Variants in GRID2 observed in about 807,000 individuals in gnomAD.
GRID2 encodes glutamate receptor ionotropic, delta-2.
A neutral mutation model predicts 114.8 loss-of-function variants in GRID2; 33 were observed. That is an observed-to-expected ratio of 0.29 (90% confidence interval 0.22 to 0.38). The LOEUF (loss-of-function observed/expected upper bound fraction) is 0.38. GRID2 is among the 10% of genes least tolerant of loss of function. GRID2 has a pLI of 1.00. For missense variants in GRID2, 1,184 were observed against 1,257.7 expected, an observed-to-expected ratio of 0.94 and a Z score of 0.89; for synonymous variants, 505 against 449.9, an observed-to-expected ratio of 1.12 and a Z score of -1.55.
At chr4:92,964,597 T>C (rs1393641303) in intron 2 of GRID2, among the ~76,000 whole-genome samples, 1 of 152,018 alleles carries the variant, frequency 6.6e-6, no homozygotes, top group African/African-American at 2.4e-5. Flanking sequence ...GTCAATGCTT[T>C]CAGCTAGATC....
chr4:92,588,798 T>C (rs1289272619), intron 1 of GRID2, among the ~76,000 whole-genome samples: 1 of 151,616 alleles, frequency 6.6e-6, no homozygotes, highest in African/African-American at 2.4e-5. Flanking sequence ...ATACAATCCA[T>C]GCCAATATAA....
chr4:93,443,299 T>C (rs1721788726), intron 10 of GRID2, among the ~76,000 whole-genome samples: 1 of 152,018 alleles, frequency 6.6e-6, no homozygotes, highest in Non-Finnish European at 1.5e-5. Flanking sequence ...ATTATATACA[T>C]ATACACTTAC....
At chr4:93,606,632 A>G (rs937935100) in intron 13 of GRID2, among the ~76,000 whole-genome samples, 3 of 152,218 alleles carry the variant, frequency 2.0e-5, no homozygotes, top group Non-Finnish European at 2.9e-5. Flanking sequence ...TAGCAATTTT[A>G]TCATAAATTT....
chr4:92,359,777 T>A (rs1728525011), intron 1 of GRID2, among the ~76,000 whole-genome samples: 2 of 151,926 alleles, frequency 1.3e-5, no homozygotes, highest in Non-Finnish European at 2.9e-5. Context: ...TCTGTCTAGT[T>A]GCCAACTCAA....
At chr4:93,765,298 C>A (rs961852722) in intron 14 of GRID2, among the ~76,000 whole-genome samples, 2 of 152,150 alleles carry the variant, frequency 1.3e-5, no homozygotes, top group South Asian at 4.2e-4. Context: ...TAGCCCATGC[C>A]AGCCTGTATT....
At chr4:93,554,016 T>A in intron 13 of GRID2, among the ~76,000 whole-genome samples, 1 of 152,194 alleles carries the variant, frequency 6.6e-6, no homozygotes, top group Non-Finnish European at 1.5e-5. Flanking sequence ...AGTGATTCTG[T>A]GACTTTATCT....
intron 2 of GRID2, among the ~76,000 whole-genome samples, chr4:93,083,695 CAAAAAA>C (rs34205612): frequency 1.3e-5 from 1 of 75,770 alleles, no homozygotes; most frequent in African/African-American, 5.0e-5. Context: ...GACTCCATCT[CAAAAAA>C]AAAAAAAAAA....
At chr4:93,289,535 A>G (rs891974467) in intron 8 of GRID2, among the ~76,000 whole-genome samples, 2 of 152,202 alleles carry the variant, frequency 1.3e-5, no homozygotes, top group Admixed American at 6.5e-5. Flanking sequence ...GCATACACAC[A>G]TATTGGTACT....
At chr4:92,978,572 T>G (rs1754008261) in intron 2 of GRID2, among the ~76,000 whole-genome samples, 1 of 152,082 alleles carries the variant, frequency 6.6e-6, no homozygotes, top group Non-Finnish European at 1.5e-5. Context: ...GTCTCAGGGG[T>G]CCCCTCTGGC....
chr4:93,091,262 G>A (rs186666695), intron 3 of GRID2, among the ~76,000 whole-genome samples: 1 of 152,222 alleles, frequency 6.6e-6, no homozygotes, highest in Admixed American at 6.6e-5. Context: ...TGGCAGAGAA[G>A]GTATTTAGAG....
intron 1 of GRID2, among the ~76,000 whole-genome samples, chr4:92,492,005 C>T (rs929793508): frequency 4.6e-5 from 7 of 152,100 alleles, no homozygotes; most frequent in African/African-American, 1.4e-4. Flanking sequence ...ATGGGCTTTC[C>T]CTGACATCAG....
intron 4 of GRID2, among the ~76,000 whole-genome samples, chr4:93,125,102 A>T (rs1460614198): frequency 6.6e-6 from 1 of 152,024 alleles, no homozygotes; most frequent in Non-Finnish European, 1.5e-5. Flanking sequence ...AATCTTTCAC[A>T]TTGATATATC....
At chr4:92,795,816 A>G (rs1010162063) in intron 2 of GRID2, among the ~76,000 whole-genome samples, 1 of 152,028 alleles carries the variant, frequency 6.6e-6, no homozygotes, top group Non-Finnish European at 1.5e-5. Context: ...ACTCATCTCC[A>G]TCAAGTTGTT....
intron 8 of GRID2, among the ~76,000 whole-genome samples, chr4:93,363,277 C>G (rs1315440768): frequency 6.6e-6 from 1 of 152,150 alleles, no homozygotes; most frequent in Non-Finnish European, 1.5e-5. Context: ...CTTTCATGCT[C>G]TACTCCAGCT....
intron 6 of GRID2, 28 bp from the exon 7 acceptor site, chr4:93,224,585 CT>C: frequency 6.7e-7 from 1 of 1,494,422 alleles, no homozygotes; most frequent in Non-Finnish European, 9.3e-7. Context: ...GTCAATGATT[CT>C]AATGATCACT....
intron 2 of GRID2, among the ~76,000 whole-genome samples, chr4:92,652,842 AATAT>A (rs1369005005): frequency 2.2e-5 from 3 of 139,336 alleles, no homozygotes; most frequent in Non-Finnish European, 3.1e-5. Context: ...TAAATTTATA[AATAT>A]ATATATAATA....
intron 3 of GRID2, among the ~76,000 whole-genome samples, chr4:93,099,373 G>T (rs969171649): frequency 2.0e-5 from 3 of 151,532 alleles, no homozygotes; most frequent in Non-Finnish European, 4.4e-5. Context: ...ATTATTTTAT[G>T]GTCTTAACCT....
intron 8 of GRID2, among the ~76,000 whole-genome samples, chr4:93,244,334 C>T (rs959007588): frequency 9.2e-5 from 14 of 151,556 alleles, no homozygotes; most frequent in South Asian, 2.1e-4. Context: ...ATAAAATGTA[C>T]GTCAGAGATA....
chr4:93,054,151 A>G (rs1726992762), intron 2 of GRID2, among the ~76,000 whole-genome samples: 1 of 151,926 alleles, frequency 6.6e-6, no homozygotes, highest in Admixed American at 6.6e-5. Flanking sequence ...GGCAAACTAA[A>G]CCATTTTTTC....
Sources: gnomAD v4.1 joint callset for allele counts (sites outside exome capture counted in the v4.1 genomes callset) on GRCh38, gnomAD v4.1.1 for gene constraint, MANE v1.5 for transcripts, NCBI Gene and HGNC (gene_info 2026-07-23, HGNC 2026-07-21) for gene names.